The following NRG1 variants were observed in gnomAD, a reference collection of about 807,000 sequenced individuals.
NRG1 encodes neuregulin 1, also known as pro-neuregulin-1, membrane-bound isoform.
NRG1 carries 18 observed loss-of-function variants against 63.8 expected under a neutral mutation model. The observed-to-expected ratio is 0.28, with a 90% confidence interval of 0.19 to 0.42. The LOEUF is 0.42. Ranked by LOEUF, NRG1 falls within the 10% of genes least tolerant of loss-of-function variation. The pLI is 1.00. For missense variants in NRG1, 762 were observed against 814.7 expected, an observed-to-expected ratio of 0.94 and a Z score of 0.79; for synonymous variants, 302 against 301.3, an observed-to-expected ratio of 1.00 and a Z score of -0.02.
chr8:32,283,974 A>G (rs900093982), intron 1 of NRG1, among the ~76,000 whole-genome samples: 1 of 152,144 alleles, frequency 6.6e-6, no homozygotes, highest in African/African-American at 2.4e-5. Context: ...TGTTTGATAA[A>G]GGATGTGTGG....
intron 1 of NRG1, among the ~76,000 whole-genome samples, chr8:32,100,912 A>G (rs1830489308): frequency 6.6e-6 from 1 of 152,188 alleles, no homozygotes; most frequent in African/African-American, 2.4e-5. Flanking sequence ...GCTTATCACC[A>G]CAAGAAATAC....
intron 1 of NRG1, among the ~76,000 whole-genome samples, chr8:32,349,922 T>C (rs1027979389): frequency 2.6e-5 from 4 of 152,174 alleles, no homozygotes; most frequent in Non-Finnish European, 5.9e-5. Flanking sequence ...CACACTTGAT[T>C]TCAAAATGGA....
intron 5 of NRG1, among the ~76,000 whole-genome samples, chr8:32,625,404 A>G (rs1006985629): frequency 1.3e-5 from 2 of 152,152 alleles, no homozygotes; most frequent in African/African-American, 4.8e-5. Context: ...TTATCCATCA[A>G]CGATGGGCTC....
Position 32,089,930 on chromosome 8 carries a change from C to T in NRG1, c.37+450499C>T, listed in dbSNP as rs79431186. 3.1e-3 allele frequency among the ~76,000 whole-genome samples: 474 copies of T among 152,288 alleles called. 1 individual carries two copies. The highest frequency in any genetic ancestry group is 0.011 in the African/African-American group (454 of 41,568). The stretch of plus-strand genomic sequence containing the variant: ...TTCCAAGTAATGTCATTCTGTTTCT[C>T]ATTTGTCTTTTGACCTGGCTGTATA... On this transcript the variant is annotated intron_variant, in intron 1 of 10. Transcript: ENST00000519301.
intron 5 of NRG1, among the ~76,000 whole-genome samples, chr8:32,664,587 A>AT (rs1244510477): frequency 6.6e-6 from 1 of 152,148 alleles, no homozygotes; most frequent in Non-Finnish European, 1.5e-5. Context: ...CACAAAAAAA[A>AT]CATTGTTCCT....
At chr8:32,028,681 C>G (rs1057248796) in intron 1 of NRG1, among the ~76,000 whole-genome samples, 1 of 152,084 alleles carries the variant, frequency 6.6e-6, no homozygotes, top group African/African-American at 2.4e-5. Context: ...AAATTAATAA[C>G]TATAGATTTT....
At chr8:32,764,380 A>G in exon 12 of NRG1, 2 of 1,601,116 alleles carry the variant, frequency 1.2e-6, no homozygotes, top group Non-Finnish European at 1.7e-6. Context: ...GTAATTGCTA[A>G]CCAAGACCCT....
At chr8:32,320,048 G>T (rs1194647425) in intron 1 of NRG1, among the ~76,000 whole-genome samples, 1 of 152,166 alleles carries the variant, frequency 6.6e-6, no homozygotes. Flanking sequence ...GCCCAGGTCT[G>T]CTACTTAAGA....
chr8:31,660,416 T>C (rs1805869646), intron 1 of NRG1, among the ~76,000 whole-genome samples: 1 of 152,234 alleles, frequency 6.6e-6, no homozygotes, highest in African/African-American at 2.4e-5. Flanking sequence ...CATAGTACTT[T>C]CTGGGTATAT....
At chr8:32,426,954 G>A (rs1471638255) in intron 1 of NRG1, among the ~76,000 whole-genome samples, 5 of 151,696 alleles carry the variant, frequency 3.3e-5, no homozygotes, top group African/African-American at 7.3e-5. Context: ...CTACATTTTC[G>A]CAACAACATC....
chr8:31,875,536 C>G (rs1829847599), intron 1 of NRG1, among the ~76,000 whole-genome samples: 1 of 152,146 alleles, frequency 6.6e-6, no homozygotes, highest in Admixed American at 6.5e-5. Context: ...AAAAACAGGT[C>G]TGCCTCAGCA....
At chr8:31,917,133 A>T in intron 1 of NRG1, among the ~76,000 whole-genome samples, 1 of 100,822 alleles carries the variant, frequency 9.9e-6, no homozygotes. Context: ...AGGTTGCGAA[A>T]ATTTTCTCCC....
chr8:32,319,141 C>T (rs1035573169), intron 1 of NRG1, among the ~76,000 whole-genome samples: 1 of 152,114 alleles, frequency 6.6e-6, no homozygotes, highest in African/African-American at 2.4e-5. Flanking sequence ...AGTTGTGATC[C>T]CCTATGCAGT....
At chr8:31,935,579 G>T (rs1173308239) in intron 1 of NRG1, among the ~76,000 whole-genome samples, 1 of 152,178 alleles carries the variant, frequency 6.6e-6, no homozygotes, top group Non-Finnish European at 1.5e-5. Context: ...CCATCTGACA[G>T]GTGAGAAACT....
At chr8:31,706,034 TA>T (rs1479547419) in intron 1 of NRG1, among the ~76,000 whole-genome samples, 1 of 152,206 alleles carries the variant, frequency 6.6e-6, no homozygotes, top group Non-Finnish European at 1.5e-5. Flanking sequence ...AGCAGTAAAT[TA>T]AAATTAAATT....
chr8:32,724,739 C>T (rs1383774365), intron 5 of NRG1, among the ~76,000 whole-genome samples: 1 of 152,096 alleles, frequency 6.6e-6, no homozygotes, highest in African/African-American at 2.4e-5. Flanking sequence ...CTCATTGTTG[C>T]CTTACAATTC....
chr8:31,995,095 A>G (rs970083826), intron 1 of NRG1, among the ~76,000 whole-genome samples: 4 of 151,960 alleles, frequency 2.6e-5, no homozygotes, highest in Non-Finnish European at 5.9e-5. Context: ...GAGCCATGTA[A>G]GGGGACTATC....
At chr8:32,117,426 AG>A (rs138215883) in intron 1 of NRG1, among the ~76,000 whole-genome samples, 5,633 of 152,126 alleles carry the variant, frequency 0.037, 180 homozygotes, top group African/African-American at 0.084. Flanking sequence ...TTATTTCATC[AG>A]CTTAGAATGG....
chr8:31,728,901 A>AT (rs1380974696), intron 1 of NRG1, among the ~76,000 whole-genome samples: 1 of 152,150 alleles, frequency 6.6e-6, no homozygotes, highest in African/African-American at 2.4e-5. Flanking sequence ...AGGTATTGAA[A>AT]TTTTTTGGTG....
Sources: allele counts gnomAD v4.1 joint callset (sites outside exome capture counted in the v4.1 genomes callset), GRCh38; gene constraint gnomAD v4.1.1; transcripts MANE v1.5; gene names NCBI Gene and HGNC (gene_info 2026-07-23, HGNC 2026-07-21).